Variants in HYDIN observed in about 807,000 individuals in gnomAD.
HYDIN encodes the protein axonemal central pair apparatus protein HYDIN.
A neutral mutation model predicts 403.9 loss-of-function variants in HYDIN; 132 were observed. The observed-to-expected ratio is 0.33, with a 90% CI of 0.28 to 0.38. The LOEUF is 0.38. Ranked by LOEUF, HYDIN falls within the 10% of genes least tolerant of loss-of-function variation. The pLI, the probability that HYDIN is intolerant of heterozygous loss-of-function variation, is 1.00. For synonymous variants in HYDIN, 1,202 were observed against 1,891.7 expected (o/e 0.64, Z 9.46); for missense variants, 2,827 against 5,009.5 (o/e 0.56, Z 13.15).
intron 75 of HYDIN, among the ~76,000 whole-genome samples, chr16:70,846,473 A>G (rs2038211035): frequency 6.7e-6 from 1 of 149,244 alleles, no homozygotes; most frequent in East Asian, 2.0e-4. Flanking sequence ...TATGTGGTCA[A>G]TTTTGGAATA....
chr16:71,176,828 G>A (rs962320954), intron 4 of HYDIN, among the ~76,000 whole-genome samples: 3 of 152,208 alleles, frequency 2.0e-5, no homozygotes, highest in African/African-American at 7.2e-5. Context: ...TCCTCTGTGT[G>A]TGAGGGACGG....
intron 1 of HYDIN, among the ~76,000 whole-genome samples, chr16:71,225,293 T>C (rs1598074538): frequency 1.3e-5 from 2 of 152,214 alleles, no homozygotes; most frequent in South Asian, 4.1e-4. Flanking sequence ...TCCTAGGCAC[T>C]GATAAAGGTA....
chr16:71,012,231 G>A (rs2080111260), intron 23 of HYDIN, among the ~76,000 whole-genome samples: 1 of 152,294 alleles, frequency 6.6e-6, no homozygotes, highest in African/African-American at 2.4e-5. Flanking sequence ...CTGAAGAGAT[G>A]GACCTAATAA....
chr16:71,223,377 G>A (rs1272861429), intron 1 of HYDIN, among the ~76,000 whole-genome samples: 1 of 152,096 alleles, frequency 6.6e-6, no homozygotes, highest in Admixed American at 6.5e-5. Context: ...AATCCTAGAA[G>A]ATAACATTGG....
intron 23 of HYDIN, among the ~76,000 whole-genome samples, chr16:70,995,436 C>T (rs2502665): frequency 0.019 from 2,954 of 152,210 alleles, 103 homozygotes; most frequent in African/African-American, 0.066. Flanking sequence ...GTCAGACACC[C>T]GCTCATCAGC....
intron 23 of HYDIN, among the ~76,000 whole-genome samples, chr16:71,012,591 C>T (rs924878430): frequency 3.3e-5 from 5 of 152,330 alleles, no homozygotes; most frequent in Admixed American, 6.5e-5. Context: ...TGCATGCACA[C>T]GCACCGCAGA....
At chr16:70,941,551 A>G in intron 43 of HYDIN, 85 bp downstream of exon 43, 1 of 1,051,866 alleles carries the variant, frequency 9.5e-7, no homozygotes, top group Non-Finnish European at 1.3e-6. Flanking sequence ...ACTCCTGGCC[A>G]CCTTACAGGG....
chr16:71,187,443 C>T (rs980988277), intron 1 of HYDIN, among the ~76,000 whole-genome samples: 9 of 152,116 alleles, frequency 5.9e-5, no homozygotes, highest in African/African-American at 2.2e-4. Context: ...CACCCAATAT[C>T]TCTGAATCAA....
At chr16:71,226,175 C>G (rs2041024194) in intron 1 of HYDIN, among the ~76,000 whole-genome samples, 1 of 152,162 alleles carries the variant, frequency 6.6e-6, no homozygotes. Flanking sequence ...GTAAAGTTAT[C>G]AAGAAATCGA....
At chr16:71,179,152 G>A in intron 3 of HYDIN, 105 bp from the exon 4 acceptor site, 3 of 800,352 alleles carry the variant, frequency 3.7e-6, no homozygotes, top group South Asian at 2.3e-5. Context: ...AACTAAACAT[G>A]GGAAATATTC....
rs2077109172 is a variant in HYDIN at position 70,925,124 on chromosome 16, C to T, written c.7159-3907G>A. ...TGACTGCCAGCATCAAACAGTGATT[C>T]TCTCTGGAGGGAGACAACATCTTCC... is the stretch of plus-strand genomic sequence containing the variant. On this transcript the variant is annotated intron_variant, in intron 45 of 85. Transcript: ENST00000393567. Among the ~76,000 whole-genome samples the T allele has an allele frequency of 2.0e-5, 3 of 152,076 alleles. No homozygotes were observed. The South Asian group carries it at 6.2e-4, about 32-fold the overall frequency.
At chr16:70,868,122 G>T (rs1268731718) in intron 66 of HYDIN, among the ~76,000 whole-genome samples, 3 of 151,666 alleles carry the variant, frequency 2.0e-5, no homozygotes, top group Non-Finnish European at 2.9e-5. Flanking sequence ...TCTACTTCCC[G>T]TGTTGGGTGT....
intron 58 of HYDIN, among the ~76,000 whole-genome samples, chr16:70,885,555 A>G (rs2041078543): frequency 6.6e-6 from 1 of 152,076 alleles, no homozygotes; most frequent in African/African-American, 2.4e-5. Context: ...GGAAGCAGTC[A>G]GAGAAAGAGG....
chr16:70,918,488 G>A, intron 46 of HYDIN, 59 bp from the exon 47 acceptor site: 5 of 1,092,462 alleles, frequency 4.6e-6, no homozygotes, highest in Non-Finnish European at 6.6e-6. Context: ...TCTTACCATA[G>A]CCTTTGTTAT....
chr16:71,066,229 G>A (rs1240568657), intron 15 of HYDIN, among the ~76,000 whole-genome samples: 1 of 151,976 alleles, frequency 6.6e-6, no homozygotes, highest in Non-Finnish European at 1.5e-5. Flanking sequence ...GGCAAATCTG[G>A]GCATAGAAAG....
chr16:71,136,452 T>C (rs753069307), intron 8 of HYDIN, among the ~76,000 whole-genome samples: 2 of 151,892 alleles, frequency 1.3e-5, no homozygotes, highest in Admixed American at 1.3e-4. Context: ...TAGATTATTT[T>C]TAGGAACGCT....
rs369331443 is a variant in HYDIN at position 70,874,848 on chromosome 16, G to A, written c.10629C>T (p.Tyr3543=). 9.9e-6 allele frequency: 16 copies of A among 1,613,502 alleles called. No homozygotes were observed. The highest frequency in any genetic ancestry group is 1.3e-5 in the African/African-American group (1 of 74,906). The part of the protein sequence containing the change: ...LKGRPTTAYI[Y]ITEENKPHVK... ...CATGTGGTTTATTTTCCTCTGTGAT[G>A]TAGATATACGCGGTGGTGGGCCTCC... Residue 3543 remains tyrosine (Y), a synonymous_variant, in exon 63 of 86, where the codon TAC becomes TAT. Coordinates refer to ENST00000393567, the MANE Select transcript of HYDIN (RefSeq NM_001270974.2).
At chr16:71,004,314 CA>C (rs11383182) in intron 23 of HYDIN, among the ~76,000 whole-genome samples, 33,522 of 87,878 alleles carry the variant, frequency 0.38, 5,778 homozygotes, top group African/African-American at 0.65. Flanking sequence ...AACTCCATTT[CA>C]AAAAAAAAAA....
At chr16:70,981,093 CTG>C (rs1408916512) in intron 29 of HYDIN, among the ~76,000 whole-genome samples, 1 of 151,898 alleles carries the variant, frequency 6.6e-6, no homozygotes, top group Non-Finnish European at 1.5e-5. Flanking sequence ...CGGGGAAAGA[CTG>C]GGGCCAGAAG....
Sources: gnomAD v4.1 joint callset for allele counts (sites outside exome capture counted in the v4.1 genomes callset) on GRCh38, gnomAD v4.1.1 for gene constraint, MANE v1.5 for transcripts, NCBI Gene and HGNC (gene_info 2026-07-23, HGNC 2026-07-21) for gene names.